ITGB8: variants seen among roughly 807,000 people sequenced by gnomAD.
ITGB8 encodes the protein integrin beta-8.
A neutral mutation model predicts 89.5 loss-of-function variants in ITGB8; 30 were observed. The ratio of observed to expected loss-of-function variants is 0.34; its 90% CI spans 0.25 to 0.45. ITGB8 has a LOEUF of 0.45. Among genes scored for constraint, ITGB8 ranks in the 20% least tolerant of loss-of-function variants. The probability of loss-of-function intolerance (pLI) is 1.00; values close to 1 mark genes in which losing one functional copy is unlikely to be tolerated. For missense variants in ITGB8, 836 were observed against 933.3 expected, an observed-to-expected ratio of 0.90 and a Z score of 1.36; for synonymous variants, 335 against 320.4, an observed-to-expected ratio of 1.05 and a Z score of -0.49.
intron 8 of ITGB8, among the ~76,000 whole-genome samples, chr7:20,396,555 A>G (rs534334283): frequency 6.6e-6 from 1 of 152,220 alleles, no homozygotes; most frequent in Non-Finnish European, 1.5e-5. Flanking sequence ...GAGTAAAATA[A>G]GGAAGAGCGT....
At chr7:20,394,226 A>G (rs866568847) in intron 7 of ITGB8, among the ~76,000 whole-genome samples, 12 of 152,228 alleles carry the variant, frequency 7.9e-5, no homozygotes, top group African/African-American at 2.7e-4. Flanking sequence ...CTGATTTCCT[A>G]TAAGTACGTG....
intron 1 of ITGB8, among the ~76,000 whole-genome samples, chr7:20,350,499 C>T (rs921675844): frequency 3.3e-5 from 5 of 152,182 alleles, no homozygotes; most frequent in Non-Finnish European, 7.3e-5. Flanking sequence ...TATCTTAAAA[C>T]AGTCCCATAA....
rs1348618398 is a variant in ITGB8 at position 20,413,823 on chromosome 7, A to G, written c.*3826A>G. On this transcript the variant is annotated 3_prime_UTR_variant, in exon 14 of 14. Transcript: ENST00000222573. Reference sequence around the variant, plus strand: ...GTGAAATATAGTTACATGGGAGCTCAATCATGTGCAGATTGCATTCTGTTA... The same window carrying G: ...GTGAAATATAGTTACATGGGAGCTCGATCATGTGCAGATTGCATTCTGTTA... 1 of 152,100 alleles carries G rather than the reference A, an allele frequency of 6.6e-6. No homozygotes were observed. Among genetic ancestry groups the G allele is most frequent in the East Asian group, 1.9e-4 (1 of 5,202 alleles). The allele number at this position is 152,100 out of a possible 1,614,324, so 9.4% of individuals were successfully genotyped here.
intron 3 of ITGB8, among the ~76,000 whole-genome samples, chr7:20,375,231 G>A (rs16872535): frequency 0.1 from 15,479 of 151,798 alleles, 1,041 homozygotes; most frequent in East Asian, 0.42. Context: ...TGTTATGGTC[G>A]GTCCCAAATT....
Position 20,402,034 on chromosome 7 carries a change from C to T in ITGB8, c.1595C>T (p.Ser532Leu), listed in dbSNP as rs762546199. Reference protein sequence around the residue: ...GRGVCVCGKCSCHKIKLGKVY... With the variant: ...GRGVCVCGKCLCHKIKLGKVY... ...GGAGTTTGTGTTTGTGGGAAATGTTCATGTCACAAAATTAAGCTTGGAAAA... is the reference window on the plus strand; with the variant it reads ...GGAGTTTGTGTTTGTGGGAAATGTTTATGTCACAAAATTAAGCTTGGAAAA... The change falls in exon 10 of 14, where the codon TCA becomes TTA. Residue 532 changes from serine to leucine, a missense_variant. Ser to Leu is a moderately radical substitution (Grantham distance 145). Around this residue, in one of 5 missense-constraint regions of ITGB8, gnomAD observed 422 missense variants for 416.9 expected, o/e 1.01. Transcript: ENST00000222573. 1.9e-6 allele frequency: 3 copies of T among 1,614,064 alleles called. No individual in the cohort carries two copies. Among genetic ancestry groups the T allele is most frequent in the Non-Finnish European group, 2.5e-6 (3 of 1,179,992 alleles).
intron 1 of ITGB8, among the ~76,000 whole-genome samples, chr7:20,362,189 G>C (rs1159244813): frequency 6.6e-6 from 1 of 152,072 alleles, no homozygotes; most frequent in African/African-American, 2.4e-5. Context: ...CTCCAGGTCA[G>C]AACTGCTTTT....
intron 11 of ITGB8, 141 bp downstream of exon 11, chr7:20,404,994 T>C: frequency 1.3e-6 from 1 of 742,226 alleles, no homozygotes; most frequent in Non-Finnish European, 2.3e-6. Flanking sequence ...TGCTATGAAT[T>C]AGAAGACTTG....
At chr7:20,368,286 C>T (rs1432429511) in intron 3 of ITGB8, among the ~76,000 whole-genome samples, 6 of 152,134 alleles carry the variant, frequency 3.9e-5, no homozygotes, top group Admixed American at 3.9e-4. Context: ...CTCTTCCCAC[C>T]TTCCATTGCA....
intron 1 of ITGB8, among the ~76,000 whole-genome samples, chr7:20,334,652 G>A (rs552420537): frequency 3.2e-4 from 49 of 152,114 alleles, no homozygotes; most frequent in Non-Finnish European, 6.0e-4. Flanking sequence ...TAAAGTGATC[G>A]GATATTTAAA....
intron 1 of ITGB8, among the ~76,000 whole-genome samples, chr7:20,347,666 C>T (rs1784974015): frequency 6.6e-6 from 1 of 152,022 alleles, no homozygotes; most frequent in Non-Finnish European, 1.5e-5. Context: ...GTTTGAGACT[C>T]GAAGATTTTG....
intron 1 of ITGB8, among the ~76,000 whole-genome samples, chr7:20,347,662 G>C (rs1053443427): frequency 2.0e-5 from 3 of 152,226 alleles, no homozygotes; most frequent in Non-Finnish European, 2.9e-5. Context: ...TAATGTTTGA[G>C]ACTCGAAGAT....
At chr7:20,358,718 A>T (rs941611809) in intron 1 of ITGB8, among the ~76,000 whole-genome samples, 2 of 151,996 alleles carry the variant, frequency 1.3e-5, no homozygotes, top group Admixed American at 6.6e-5. Context: ...TATTTTTTTT[A>T]AACTTTTATT....
At chr7:20,373,043 A>C (rs1360428642) in intron 3 of ITGB8, among the ~76,000 whole-genome samples, 1 of 152,192 alleles carries the variant, frequency 6.6e-6, no homozygotes, top group Non-Finnish European at 1.5e-5. Context: ...ACCTAAGTGG[A>C]AAATGCATTG....
intron 3 of ITGB8, among the ~76,000 whole-genome samples, chr7:20,370,139 ATAAAT>A (rs1562674200): frequency 3.3e-5 from 5 of 151,918 alleles, no homozygotes; most frequent in Admixed American, 6.6e-5. Context: ...AAATGGATGT[ATAAAT>A]CCAGAGAACC....
intron 7 of ITGB8, among the ~76,000 whole-genome samples, chr7:20,393,634 G>C (rs1786954436): frequency 6.6e-6 from 1 of 152,088 alleles, no homozygotes; most frequent in Non-Finnish European, 1.5e-5. Flanking sequence ...ACTGTTCCTT[G>C]CCTTGCAGGG....
At chr7:20,399,478 C>G (rs1787218112) in intron 9 of ITGB8, among the ~76,000 whole-genome samples, 1 of 151,516 alleles carries the variant, frequency 6.6e-6, no homozygotes, top group South Asian at 2.1e-4. Context: ...TGTGATTGCC[C>G]CAGTACACTC....
intron 1 of ITGB8, among the ~76,000 whole-genome samples, chr7:20,347,075 C>A (rs970825207): frequency 6.6e-6 from 1 of 152,184 alleles, no homozygotes; most frequent in African/African-American, 2.4e-5. Flanking sequence ...CATATGAAGA[C>A]ACAGCAAGAA....
intron 3 of ITGB8, among the ~76,000 whole-genome samples, chr7:20,378,752 C>T (rs1016785609): frequency 2.6e-5 from 4 of 152,012 alleles, no homozygotes; most frequent in African/African-American, 9.7e-5. Context: ...GATACAATAC[C>T]CTGTTACATT....
intron 1 of ITGB8, among the ~76,000 whole-genome samples, chr7:20,336,765 C>T (rs114010090): frequency 1.3e-5 from 2 of 152,204 alleles, no homozygotes; most frequent in Non-Finnish European, 2.9e-5. Flanking sequence ...CCACCTGTGA[C>T]CTCCTTGAGG....
Sources: allele counts gnomAD v4.1 joint callset (sites outside exome capture counted in the v4.1 genomes callset), GRCh38; gene constraint gnomAD v4.1.1; regional missense constraint gnomAD v4.1.1; transcripts MANE v1.5; gene names NCBI Gene and HGNC (gene_info 2026-07-23, HGNC 2026-07-21).